NR1D2: variants seen among roughly 807,000 people sequenced by gnomAD.
NR1D2 encodes V-erbA-related protein 1-related.
Under a neutral mutation model 52.2 loss-of-function variants are expected in NR1D2, and 25 were observed. That is an observed-to-expected ratio of 0.48 (90% CI 0.35 to 0.67). The LOEUF (loss-of-function observed/expected upper bound fraction) is 0.67. Ranked by LOEUF, NR1D2 falls within the 30% of genes least tolerant of loss-of-function variation. The pLI is 0.01. For missense variants in NR1D2, 681 were observed against 707.2 expected (o/e 0.96, Z 0.42); for synonymous variants, 259 against 230.1 (o/e 1.13, Z -1.14).
chr3:23,962,693 G>T (rs950840186), intron 5 of NR1D2, 88 bp downstream of exon 5: 3 of 1,284,000 alleles, frequency 2.3e-6, no homozygotes, highest in Non-Finnish European at 3.2e-6. Flanking sequence ...AACTTGGGGG[G>T]ATGGTGTCAG....
At chr3:23,950,896 CTTTTTCTTTTTT>C in intron 1 of NR1D2, among the ~76,000 whole-genome samples, 1 of 132,360 alleles carries the variant, frequency 7.6e-6, no homozygotes, top group South Asian at 2.5e-4. Context: ...TTTTCTCTTT[CTTTTTCTTTTTT>C]TTTTTTTTTT....
Position 23,979,845 on chromosome 3 carries a change from T to C in NR1D2, c.*2426T>C, listed in dbSNP as rs1007644808. 5 of 152,168 alleles carry C rather than the reference T, an allele frequency of 3.3e-5. No individual in the cohort carries two copies. The highest frequency in any genetic ancestry group is 1.2e-4 in the African/African-American group (5 of 41,456). The allele number at this position is 152,168 out of a possible 1,614,324, so 9.4% of individuals were successfully genotyped here. A position where few individuals can be genotyped will look rare whatever the true frequency, so the allele number is the denominator to read the frequency against. On this transcript the variant is annotated 3_prime_UTR_variant, in exon 8 of 8. Transcript: ENST00000312521. ...TTGGTGGGACACTGTTGATTAATAA[T>C]GTACTGTATGAATTAAGTGATGCTT...
At chr3:23,967,083 T>C (rs1706467331) in intron 6 of NR1D2, among the ~76,000 whole-genome samples, 1 of 152,266 alleles carries the variant, frequency 6.6e-6, no homozygotes, top group South Asian at 2.1e-4. Flanking sequence ...TCTAGCACTT[T>C]GGGAAGCCGA....
At position 23,967,964 on chromosome 3, in the gene NR1D2, C is replaced by T. The variant is rs1202502164; in HGVS notation, c.1484C>T (p.Ala495Val). 6.2e-7 allele frequency: 1 copy of T among 1,613,970 alleles called. No homozygotes were observed. The highest frequency in any genetic ancestry group is 8.5e-7 in the Non-Finnish European group (1 of 1,180,000). ...TTTGAATTTAGTGAGAAGCTAAATG[C>T]CCTCCAACTTAGTGATGAAGAGATG... is the stretch of plus-strand genomic sequence containing the variant. ...SMFEFSEKLN[A>V]LQLSDEEMSL... The change falls in exon 7 of 8, where the codon GCC (alanine) becomes GTC (valine). Residue 495 changes from alanine (A) to valine (V), a missense_variant. This residue lies in a region of NR1D2 where 475 missense variants were observed against 454.5 expected (regional missense o/e 1.05). Coordinates refer to ENST00000312521, the MANE Select transcript of NR1D2 (RefSeq NM_005126.5).
At chr3:23,975,042 C>T (rs1706686025) in intron 7 of NR1D2, among the ~76,000 whole-genome samples, 1 of 152,092 alleles carries the variant, frequency 6.6e-6, no homozygotes, top group African/African-American at 2.4e-5. Context: ...TGGTTTCAAA[C>T]TCCTGATCTC....
intron 7 of NR1D2, among the ~76,000 whole-genome samples, chr3:23,970,287 A>G (rs1014970823): frequency 6.6e-6 from 1 of 152,188 alleles, no homozygotes; most frequent in African/African-American, 2.4e-5. Flanking sequence ...AACTTCCCAG[A>G]GGTAGTTCAG....
intron 7 of NR1D2, among the ~76,000 whole-genome samples, chr3:23,970,661 A>T (rs1161411878): frequency 6.6e-6 from 1 of 152,226 alleles, no homozygotes; most frequent in African/African-American, 2.4e-5. Context: ...AGTGCATTCT[A>T]ATTTTTGTTA....
In NR1D2 at chr3:23,959,979, G is replaced by A. The variant is rs1016811732; in HGVS notation, c.517+164G>A. 32 of 514,386 alleles carry A rather than the reference G, an allele frequency of 6.2e-5. No homozygotes were observed. In the Middle Eastern group the frequency reaches 1.7e-3, roughly 28 times the overall value. The allele number at this position is 514,386 out of a possible 1,614,324, so 31.9% of individuals were successfully genotyped here. A position where few individuals can be genotyped will look rare whatever the true frequency, so the allele number is the denominator to read the frequency against. ...ACAGGACACCAAATTGATTAAAGTC[G>A]TATTTTAGCATTATCATCCCAGAAA... is the stretch of plus-strand genomic sequence containing the variant. On this transcript the variant is annotated intron_variant, in intron 4 of 7. Transcript: ENST00000312521.
intron 5 of NR1D2, chr3:23,964,665 A>G (rs1358224037): frequency 5.0e-6 from 1 of 199,534 alleles, no homozygotes; most frequent in Non-Finnish European, 1.0e-5. Flanking sequence ...ATATACTAGC[A>G]TAAGGTGGCA....
At position 23,962,445 on chromosome 3, in the gene NR1D2, A is replaced by G. The variant is rs1559334553; in HGVS notation, c.986A>G (p.His329Arg). 1.2e-6 allele frequency: 2 copies of G among 1,614,230 alleles called. No individual in the cohort carries two copies. The highest frequency in any genetic ancestry group is 2.2e-5 in the East Asian group (1 of 44,884). Residue 329 changes from histidine to arginine, a missense_variant, in exon 5 of 8, where the codon CAT (histidine) becomes CGT (arginine). By Grantham distance (29) the His-to-Arg change is conservative (BLOSUM62 0). Coordinates refer to ENST00000312521, the MANE Select transcript of NR1D2 (RefSeq NM_005126.5). ...NGQFKGRNIM[H>R]YPNGHAICIA... ...CAGTTCAAAGGGAGGAATATAATGC[A>G]TTACCCAAATGGTCATGCCATTTGT... is the stretch of plus-strand genomic sequence containing the variant.
rs1428961632 is a variant in NR1D2 at position 23,965,271 on chromosome 3, GCT to G, written c.1332+112_1332+113del. On this transcript the variant is annotated intron_variant, in intron 6 of 7. Transcript: ENST00000312521. ...TTTTTTTTTTTTGAGACAGAATCCTGCTCTGTCACCCAGGCTGGAGTGCAGCA... is the reference window on the plus strand; with the variant it reads ...TTTTTTTTTTTTGAGACAGAATCCTGCTGTCACCCAGGCTGGAGTGCAGCA... 22 of 795,424 alleles carry G rather than the reference GCT, an allele frequency of 2.8e-5. No homozygotes were observed. The African/African-American group carries it at 4.6e-4, about 17-fold the overall frequency. 49.3% of individuals were successfully genotyped at this position (795,424 alleles called of 1,614,324 possible). A position where few individuals can be genotyped will look rare whatever the true frequency, so the allele number is the denominator to read the frequency against.
At position 23,954,750 on chromosome 3, in the gene NR1D2, A is replaced by G. The variant is rs762861304; in HGVS notation, c.230A>G (p.Lys77Arg). ...LKNDRIDCSM[K>R]TSKSSAPGMT... is the part of the protein sequence containing the mutation. Reference sequence around the variant, plus strand: ...AATGATCGAATAGATTGTTCTATGAAAACAAGCAAATCGAGTGCACCTGGG... The same window carrying G: ...AATGATCGAATAGATTGTTCTATGAGAACAAGCAAATCGAGTGCACCTGGG... The change falls in exon 2 of 8, where the codon AAA becomes AGA. Residue 77 changes from lysine to arginine, a missense_variant. Lys to Arg is a conservative substitution (Grantham distance 26). Around this residue, in one of 3 missense-constraint regions of NR1D2, gnomAD observed 94 missense variants for 90.4 expected, o/e 1.04. Coordinates refer to ENST00000312521, the MANE Select transcript of NR1D2 (RefSeq NM_005126.5). The G allele has an allele frequency of 1.2e-6, 2 of 1,614,154 alleles. No individual in the cohort carries two copies. The highest frequency in any genetic ancestry group is 1.7e-6 in the Non-Finnish European group (2 of 1,179,982).
At chr3:23,963,227 A>G (rs1314659897) in intron 5 of NR1D2, 3 of 1,329,972 alleles carry the variant, frequency 2.3e-6, no homozygotes, top group South Asian at 1.1e-5. Flanking sequence ...ATCAAAGTAC[A>G]GTGTTCATAT....
intron 6 of NR1D2, among the ~76,000 whole-genome samples, chr3:23,966,196 G>A (rs566307737): frequency 4.6e-5 from 7 of 152,324 alleles, no homozygotes; most frequent in Non-Finnish European, 8.8e-5. Flanking sequence ...GATGTTTGGT[G>A]GGCCAAATCT....
chr3:23,960,660 A>T (rs2125289842), intron 4 of NR1D2, among the ~76,000 whole-genome samples: 1 of 152,290 alleles, frequency 6.6e-6, no homozygotes, highest in Non-Finnish European at 1.5e-5. Context: ...AGATTTCAGC[A>T]ATTGATGTTT....
At position 23,957,435 on chromosome 3, in the gene NR1D2, G is replaced by A. The variant is rs538307861; in HGVS notation, c.372+1310G>A. Among the ~76,000 whole-genome samples, 32 of 134,634 alleles carry A rather than the reference G, an allele frequency of 2.4e-4. No individual in the cohort carries two copies. In the East Asian group the frequency reaches 6.7e-3, roughly 28 times the overall value. The allele number at this position is 134,634 out of a possible 152,430, so 88.3% of individuals were successfully genotyped here. ...TTTTTTACAAAAATGTGAAGTAATA[G>A]GCCAGGTGCGGTGGCTCACGCCTGT... On this transcript the variant is annotated intron_variant, in intron 3 of 7. Transcript: ENST00000312521.
rs568745561 is a variant in NR1D2 at position 23,977,774 on chromosome 3, A to G, written c.*355A>G. Reference sequence around the variant, plus strand: ...CACAATCACAAGTGTATGAGGACTTAGAAATTAATCCTTTGTGGTAGGAGT... The same window carrying G: ...CACAATCACAAGTGTATGAGGACTTGGAAATTAATCCTTTGTGGTAGGAGT... On this transcript the variant is annotated 3_prime_UTR_variant, in exon 8 of 8. Coordinates refer to ENST00000312521, the MANE Select transcript of NR1D2 (RefSeq NM_005126.5). 6.3e-6 allele frequency: 1 copy of G among 159,924 alleles called. No homozygotes were observed. The highest frequency in any genetic ancestry group is 6.4e-5 in the Admixed American group (1 of 15,592). The allele number at this position is 159,924 out of a possible 1,614,324, so 9.9% of individuals were successfully genotyped here. A position where few individuals can be genotyped will look rare whatever the true frequency, so the allele number is the denominator to read the frequency against.
chr3:23,964,611 TGAGA>T (rs771944309), intron 5 of NR1D2, among the ~76,000 whole-genome samples: 4 of 152,178 alleles, frequency 2.6e-5, no homozygotes, highest in Non-Finnish European at 5.9e-5. Context: ...AATAATAGAT[TGAGA>T]ATCAAACAAT....
chr3:23,976,380 C>T (rs369667699), intron 7 of NR1D2, among the ~76,000 whole-genome samples: 1 of 152,218 alleles, frequency 6.6e-6, no homozygotes, highest in Admixed American at 6.5e-5. Flanking sequence ...ATATGTGCCT[C>T]TGACTCAGGG....
Sources: gnomAD v4.1 joint callset for allele counts (sites outside exome capture counted in the v4.1 genomes callset) on GRCh38, gnomAD v4.1.1 for gene constraint, gnomAD v4.1.1 regional missense constraint, MANE v1.5 for transcripts, NCBI Gene and HGNC (gene_info 2026-07-23, HGNC 2026-07-21) for gene names.